The following DIO1 variants were observed in gnomAD, a reference collection of about 807,000 sequenced individuals.
DIO1 encodes type I iodothyronine deiodinase.
A neutral mutation model predicts 25.9 loss-of-function variants in DIO1; 17 were observed. That is an observed-to-expected ratio of 0.66 (90% CI 0.45 to 0.98). DIO1 has a LOEUF of 0.98. Ranked by LOEUF, DIO1 falls within the 50% of genes least tolerant of loss-of-function variation. DIO1 has a pLI of 0.00. For synonymous variants in DIO1, 115 were observed against 114.0 expected, an observed-to-expected ratio of 1.01 and a Z score of -0.05; for missense variants, 270 against 310.4, an observed-to-expected ratio of 0.87 and a Z score of 0.98.
intron 2 of DIO1, 86 bp downstream of exon 2, chr1:53,904,895 G>A: frequency 6.9e-7 from 1 of 1,448,340 alleles, no homozygotes; most frequent in Non-Finnish European, 9.3e-7. Flanking sequence ...AAGGTTGGGA[G>A]GTGGAAGGAG....
intron 2 of DIO1, 67 bp from the exon 3 acceptor site, chr1:53,906,028 G>A: frequency 6.8e-7 from 1 of 1,467,554 alleles, no homozygotes; most frequent in East Asian, 2.3e-5. Context: ...AAAAGTGAGG[G>A]GCTATTTAGT....
chr1:53,894,534 G>T lies in DIO1; in HGVS notation c.324G>T (p.Trp108Cys), dbSNP rs200636744. ...VRLSGQRCNI[W>C]EFMQGNRPLV... is the part of the protein sequence containing the mutation. ...TCTCAGGACAGAGGTGCAACATTTG[G>T]GAGTTTATGCAAGGTCAGGAGGCTG... The change falls in exon 1 of 4, where the codon TGG becomes TGT. Residue 108 changes from tryptophan to cysteine, a missense_variant. Trp to Cys is a radical substitution (Grantham distance 215). Coordinates refer to ENST00000361921, the MANE Select transcript of DIO1 (RefSeq NM_000792.7). This position sits in a 1 kb window ranked among gnomAD's most constrained non-coding sequence, Gnocchi z 4.9. 2 of 1,613,650 alleles carry T rather than the reference G, an allele frequency of 1.2e-6. No individual in the cohort carries two copies.
At chr1:53,907,865 C>T (rs1242155457) in intron 3 of DIO1, among the ~76,000 whole-genome samples, 4 of 138,050 alleles carry the variant, frequency 2.9e-5, no homozygotes, top group Non-Finnish European at 4.5e-5. Flanking sequence ...GAGCAGAGAT[C>T]GCACCATTGC....
At position 53,906,307 on chromosome 1, in the gene DIO1, G is replaced by T. The variant is rs1231508207; in HGVS notation, c.681+13G>T. ...GATCCTCTACAAGGTGGTGACCTGG[G>T]GACAGGGGGCCCAGGGAGGGCAAAG... On this transcript the variant is annotated intron_variant, in intron 3 of 3. Coordinates refer to ENST00000361921, the MANE Select transcript of DIO1 (RefSeq NM_000792.7). 6.2e-7 allele frequency: 1 copy of T among 1,602,474 alleles called. No homozygotes were observed.
At position 53,906,276 on chromosome 1, in the gene DIO1, G is replaced by A. The variant is rs748727655; in HGVS notation, c.663G>A (p.Glu221=). 6.2e-7 allele frequency: 1 copy of A among 1,613,130 alleles called. No homozygotes were observed. Among genetic ancestry groups the A allele is most frequent in the Non-Finnish European group, 8.5e-7 (1 of 1,179,568 alleles). ...ALPERLYIIQ[E]GRILYKGKSG... ...CTGAGAGGCTCTACATAATCCAGGA[G>A]GGCAGGATCCTCTACAAGGTGGTGA... Residue 221 remains glutamate (E), a synonymous_variant, in exon 3 of 4, where the codon GAG becomes GAA. Coordinates refer to ENST00000361921, the MANE Select transcript of DIO1 (RefSeq NM_000792.7).
At chr1:53,903,836 A>C (rs942347808) in intron 1 of DIO1, among the ~76,000 whole-genome samples, 5 of 151,894 alleles carry the variant, frequency 3.3e-5, no homozygotes, top group Non-Finnish European at 7.4e-5. Flanking sequence ...GTGAGACTCC[A>C]TCTCAAAAAA....
chr1:53,894,356 G>T lies in DIO1; in HGVS notation c.146G>T (p.Gly49Val). 7 of 1,614,230 alleles carry T rather than the reference G, an allele frequency of 4.3e-6. No individual in the cohort carries two copies. The highest frequency in any genetic ancestry group is 5.9e-6 in the Non-Finnish European group (7 of 1,180,036). The change falls in exon 1 of 4, where the codon GGT becomes GTT. Residue 49 changes from glycine to valine, a missense_variant. Coordinates refer to ENST00000361921, the MANE Select transcript of DIO1 (RefSeq NM_000792.7). This position sits in a 1 kb window ranked among gnomAD's most constrained non-coding sequence, Gnocchi z 4.9. Reference sequence around the variant, plus strand: ...ATCCTGGCCATGGGCGAGAAGACGGGTATGACCAGGAACCCCCATTTCAGC... The same window carrying T: ...ATCCTGGCCATGGGCGAGAAGACGGTTATGACCAGGAACCCCCATTTCAGC... ...RNILAMGEKT[G>V]MTRNPHFSHD...
chr1:53,910,380 C>T lies in DIO1; in HGVS notation c.*381C>T, dbSNP rs1056084052. 2 of 181,542 alleles carry T rather than the reference C, an allele frequency of 1.1e-5. No homozygotes were observed. The highest frequency in any genetic ancestry group is 2.3e-5 in the Non-Finnish European group (2 of 85,344). The allele number at this position is 181,542 out of a possible 1,614,324, so 11.2% of individuals were successfully genotyped here. On this transcript the variant is annotated 3_prime_UTR_variant, in exon 4 of 4. Transcript: ENST00000361921. ...GAGGTACGGTATCTCTCTCCAGCCA[C>T]TCTGATACCAAGTAATTCAAGCTGG...
chr1:53,904,685 G>A lies in DIO1; in HGVS notation c.357G>A (p.Leu119=). Residue 119 remains leucine, a synonymous_variant, in exon 2 of 4, where the codon CTG becomes CTA. Transcript: ENST00000361921. The part of the protein sequence containing the change: ...EFMQGNRPLV[L]NFGSCTUPSF... ...TTTCAGGTAATAGGCCACTGGTGCT[G>A]AATTTTGGAAGTTGTACCTGACCTT... The A allele has an allele frequency of 1.2e-6, 2 of 1,613,508 alleles. No homozygotes were observed. Among genetic ancestry groups the A allele is most frequent in the African/African-American group, 2.7e-5 (2 of 75,018 alleles).
At chr1:53,896,123 T>C (rs1651057997) in intron 1 of DIO1, among the ~76,000 whole-genome samples, 1 of 152,146 alleles carries the variant, frequency 6.6e-6, no homozygotes, top group Admixed American at 6.6e-5. Flanking sequence ...TTCCTCAGCA[T>C]GCTCGGCCCA....
chr1:53,902,062 G>A (rs1489498932), intron 1 of DIO1, among the ~76,000 whole-genome samples: 1 of 151,856 alleles, frequency 6.6e-6, no homozygotes, highest in South Asian at 2.1e-4. Flanking sequence ...CCCTTCTCTT[G>A]TTGCTCTCTA....
At chr1:53,903,459 C>G (rs997771022) in intron 1 of DIO1, among the ~76,000 whole-genome samples, 1 of 151,786 alleles carries the variant, frequency 6.6e-6, no homozygotes, top group African/African-American at 2.4e-5. Context: ...AGGATCTGCT[C>G]TCACTCTATG....
intron 1 of DIO1, 118 bp from the exon 2 acceptor site, chr1:53,904,548 C>G: frequency 1.5e-6 from 2 of 1,332,566 alleles, no homozygotes; most frequent in Non-Finnish European, 2.1e-6. Flanking sequence ...AGGACCCATC[C>G]TGGGGTGGGG....
At chr1:53,895,005 G>A (rs918619934) in intron 1 of DIO1, among the ~76,000 whole-genome samples, 17 of 152,146 alleles carry the variant, frequency 1.1e-4, no homozygotes, top group African/African-American at 4.1e-4. Context: ...ATGTACGGCT[G>A]GCTAGGATTC....
At chr1:53,895,009 A>G (rs930027732) in intron 1 of DIO1, among the ~76,000 whole-genome samples, 3 of 152,222 alleles carry the variant, frequency 2.0e-5, no homozygotes, top group Non-Finnish European at 4.4e-5. Context: ...ACGGCTGGCT[A>G]GGATTCATGT....
rs192678530 is a variant in DIO1 at position 53,896,662 on chromosome 1, A to G, written c.337+2115A>G. Among the ~76,000 whole-genome samples the G allele has an allele frequency of 2.6e-3, 392 of 152,372 alleles. 3 individuals carry two copies. The highest frequency in any genetic ancestry group is 9.2e-3 in the African/African-American group (383 of 41,588). ...CAATTTCATGTGCAATTTCATGTGC[A>G]CATGAGTGTATGCACATGAGGAGTT... On this transcript the variant is annotated intron_variant, in intron 1 of 3. Coordinates refer to ENST00000361921, the MANE Select transcript of DIO1 (RefSeq NM_000792.7).
chr1:53,906,036 A>T, intron 2 of DIO1, 59 bp from the exon 3 acceptor site: 1 of 1,521,688 alleles, frequency 6.6e-7, no homozygotes, highest in East Asian at 2.3e-5. Context: ...GGGGCTATTT[A>T]GTCTGCAGGA....
At chr1:53,895,745 A>C (rs541871683) in intron 1 of DIO1, among the ~76,000 whole-genome samples, 12 of 151,770 alleles carry the variant, frequency 7.9e-5, no homozygotes, top group East Asian at 1.9e-4. Flanking sequence ...TCTCAATTCT[A>C]CCTCTGAGCT....
Position 53,909,875 on chromosome 1 carries a change from C to T in DIO1, c.682-56C>T, listed in dbSNP as rs1415874978. The T allele has an allele frequency of 1.3e-5, 20 of 1,558,868 alleles. 1 individual carries two copies. In the Admixed American group the frequency reaches 3.0e-4, roughly 23 times the overall value. On this transcript the variant is annotated intron_variant, in intron 3 of 3. Transcript: ENST00000361921. The stretch of plus-strand genomic sequence containing the variant: ...CAACTAACCTCCAGACCTACATGTT[C>T]CTTACAACTTGGAAATCCTTACAAG...
Sources: allele counts gnomAD v4.1 joint callset (sites outside exome capture counted in the v4.1 genomes callset), GRCh38; gene constraint gnomAD v4.1.1; non-coding constraint Gnocchi (gnomAD v3.1); transcripts MANE v1.5; gene names NCBI Gene and HGNC (gene_info 2026-07-23, HGNC 2026-07-21).